The following KLHL1 variants were observed in gnomAD, a reference collection of about 807,000 sequenced individuals.
KLHL1 encodes kelch-like protein 1.
A neutral mutation model predicts 77.7 loss-of-function variants in KLHL1; 47 were observed. The ratio of observed to expected loss-of-function variants is 0.60; its 90% CI spans 0.48 to 0.77. KLHL1 has a LOEUF of 0.77. KLHL1 is among the 30% of genes least tolerant of loss of function. The pLI, the probability that KLHL1 is intolerant of heterozygous loss-of-function variation, is 0.00. For missense variants in KLHL1, 925 were observed against 910.8 expected, an observed-to-expected ratio of 1.02 and a Z score of -0.20; for synonymous variants, 360 against 325.2, an observed-to-expected ratio of 1.11 and a Z score of -1.15.
intron 1 of KLHL1, among the ~76,000 whole-genome samples, chr13:69,989,721 C>T (rs1296695409): frequency 1.3e-5 from 2 of 151,752 alleles, no homozygotes; most frequent in Non-Finnish European, 2.9e-5. Flanking sequence ...TATTTTTTGG[C>T]AACTGTGAAT....
intron 5 of KLHL1, among the ~76,000 whole-genome samples, chr13:69,858,851 C>T (rs529633029): frequency 5.9e-5 from 9 of 152,040 alleles, no homozygotes; most frequent in South Asian, 2.1e-4. Flanking sequence ...AGAAAGAATA[C>T]GTCCAGAGGA....
chr13:70,012,497 AG>A (rs1885559207), intron 1 of KLHL1, among the ~76,000 whole-genome samples: 1 of 151,974 alleles, frequency 6.6e-6, no homozygotes, highest in South Asian at 2.1e-4. Context: ...ACGCCATTTA[AG>A]GGGGCTTGTT....
intron 8 of KLHL1, among the ~76,000 whole-genome samples, chr13:69,729,139 T>C (rs976844360): frequency 6.6e-6 from 1 of 152,154 alleles, no homozygotes; most frequent in Non-Finnish European, 1.5e-5. Context: ...TGAGGTTATA[T>C]TTGGCCAAGC....
intron 1 of KLHL1, among the ~76,000 whole-genome samples, chr13:70,071,614 C>A (rs2137418361): frequency 6.6e-6 from 1 of 151,630 alleles, no homozygotes; most frequent in African/African-American, 2.4e-5. Flanking sequence ...AGAAAAAAAT[C>A]AGACATCATG....
At chr13:69,968,977 T>C (rs558362829) in intron 2 of KLHL1, among the ~76,000 whole-genome samples, 1 of 152,166 alleles carries the variant, frequency 6.6e-6, no homozygotes, top group Non-Finnish European at 1.5e-5. Flanking sequence ...TGAATGCACG[T>C]TTTTCCTAAG....
intron 4 of KLHL1, among the ~76,000 whole-genome samples, chr13:69,908,251 T>C (rs1351535685): frequency 6.6e-6 from 1 of 150,906 alleles, no homozygotes; most frequent in African/African-American, 2.4e-5. Context: ...AATGGGTGAG[T>C]GAGAGGGATA....
At chr13:69,774,664 A>T (rs78305907) in intron 7 of KLHL1, among the ~76,000 whole-genome samples, 6 of 140,724 alleles carry the variant, frequency 4.3e-5, no homozygotes, top group South Asian at 2.4e-4. Flanking sequence ...TTCACTTAAT[A>T]AAAAAAAACA....
At chr13:69,850,179 T>C (rs1310875955) in intron 5 of KLHL1, among the ~76,000 whole-genome samples, 1 of 151,490 alleles carries the variant, frequency 6.6e-6, no homozygotes, top group Non-Finnish European at 1.5e-5. Context: ...CAAACTCATA[T>C]ATTTAAATCT....
At chr13:69,819,028 G>A (rs1878236324) in intron 6 of KLHL1, among the ~76,000 whole-genome samples, 1 of 152,148 alleles carries the variant, frequency 6.6e-6, no homozygotes, top group Non-Finnish European at 1.5e-5. Context: ...GCCATAGGAT[G>A]ATTACTATTA....
At chr13:69,991,629 C>T (rs1885030941) in intron 1 of KLHL1, among the ~76,000 whole-genome samples, 1 of 151,286 alleles carries the variant, frequency 6.6e-6, no homozygotes, top group Non-Finnish European at 1.5e-5. Flanking sequence ...CCTGAACAGA[C>T]CAATAATGAG....
intron 5 of KLHL1, among the ~76,000 whole-genome samples, chr13:69,846,621 AT>A (rs1170515966): frequency 1.3e-5 from 2 of 151,546 alleles, no homozygotes; most frequent in Non-Finnish European, 3.0e-5. Context: ...AAAAAAATAT[AT>A]ATATGAATAA....
rs1390178744 is a variant in KLHL1 at position 69,796,725 on chromosome 13, A to G, written c.1639+13T>C. 6.5e-7 allele frequency: 1 copy of G among 1,548,106 alleles called. No individual in the cohort carries two copies. The highest frequency in any genetic ancestry group is 8.9e-7 in the Non-Finnish European group (1 of 1,120,618). On this transcript the variant is annotated intron_variant, in intron 7 of 10. Transcript: ENST00000377844. Reference sequence around the variant, plus strand: ...ATGTTTCTAAAAGTAATATCAATAAAGTAAGATCTTACCTAGACCATGTCT... The same window carrying G: ...ATGTTTCTAAAAGTAATATCAATAAGGTAAGATCTTACCTAGACCATGTCT...
At chr13:69,829,019 C>T (rs1878658673) in intron 6 of KLHL1, among the ~76,000 whole-genome samples, 1 of 150,416 alleles carries the variant, frequency 6.6e-6, no homozygotes, top group Non-Finnish European at 1.5e-5. Context: ...TAAGGCCTTG[C>T]CCATTGCCTG....
intron 9 of KLHL1, among the ~76,000 whole-genome samples, chr13:69,718,390 C>G (rs990612): frequency 0.45 from 64,904 of 145,280 alleles, 14,123 homozygotes; most frequent in African/African-American, 0.51. Flanking sequence ...GACATAGAGA[C>G]CAGCAATGAT....
intron 1 of KLHL1, among the ~76,000 whole-genome samples, chr13:70,059,722 G>A (rs182260835): frequency 6.6e-6 from 1 of 152,294 alleles, no homozygotes. Flanking sequence ...CAGTTCCACA[G>A]GCTATACAGG....
intron 8 of KLHL1, among the ~76,000 whole-genome samples, chr13:69,730,717 C>A (rs1167290364): frequency 6.6e-6 from 1 of 151,936 alleles, no homozygotes; most frequent in Admixed American, 6.6e-5. Flanking sequence ...GTAGCTTTAA[C>A]TACAGGAGCA....
intron 6 of KLHL1, among the ~76,000 whole-genome samples, chr13:69,821,243 A>G (rs559556703): frequency 5.3e-5 from 8 of 152,320 alleles, no homozygotes; most frequent in African/African-American, 1.9e-4. Context: ...ATCATAAATT[A>G]TTACGAGAAA....
At chr13:69,887,506 A>G (rs1438860212) in intron 4 of KLHL1, among the ~76,000 whole-genome samples, 1 of 152,184 alleles carries the variant, frequency 6.6e-6, no homozygotes, top group African/African-American at 2.4e-5. Context: ...GAAATTTACT[A>G]TAAGCAGTTG....
intron 4 of KLHL1, among the ~76,000 whole-genome samples, chr13:69,916,918 A>T (rs1379256368): frequency 1.3e-5 from 2 of 152,096 alleles, no homozygotes; most frequent in African/African-American, 2.4e-5. Flanking sequence ...TACACAATAT[A>T]GTGCAAGCAA....
Sources: allele counts gnomAD v4.1 joint callset (sites outside exome capture counted in the v4.1 genomes callset), GRCh38; gene constraint gnomAD v4.1.1; transcripts MANE v1.5; gene names NCBI Gene and HGNC (gene_info 2026-07-23, HGNC 2026-07-21).